SYNE2: variants seen among roughly 807,000 people sequenced by gnomAD.
The protein encoded by SYNE2 is nesprin-2.
A neutral mutation model predicts 856.3 loss-of-function variants in SYNE2; 431 were observed. That is an observed-to-expected ratio of 0.50 (90% confidence interval 0.47 to 0.55). The LOEUF (loss-of-function observed/expected upper bound fraction) is 0.55. SYNE2 is among the 20% of genes least tolerant of loss of function. SYNE2 has a pLI of 0.00. For synonymous variants in SYNE2, 2,923 were observed against 2,872.3 expected, an observed-to-expected ratio of 1.02 and a Z score of -0.56; for missense variants, 8,129 against 8,023.2, an observed-to-expected ratio of 1.01 and a Z score of -0.50.
intron 1 of SYNE2, among the ~76,000 whole-genome samples, chr14:63,812,410 G>A (rs1314806286): frequency 1.3e-5 from 2 of 152,060 alleles, no homozygotes; most frequent in African/African-American, 4.8e-5. Flanking sequence ...TTTTCAAGAT[G>A]CACTGATTTC....
intron 1 of SYNE2, among the ~76,000 whole-genome samples, chr14:63,791,442 CTTG>C (rs753753773): frequency 1.3e-5 from 2 of 152,122 alleles, no homozygotes; most frequent in Admixed American, 6.6e-5. Flanking sequence ...TGATCTGGTG[CTTG>C]TTGTCTCTTC....
At chr14:63,962,714 G>C (rs1264987392) in intron 9 of SYNE2, among the ~76,000 whole-genome samples, 3 of 151,954 alleles carry the variant, frequency 2.0e-5, no homozygotes, top group Admixed American at 6.6e-5. Flanking sequence ...CTAATTTTTT[G>C]TATTTTTAGT....
intron 66 of SYNE2, among the ~76,000 whole-genome samples, chr14:64,114,040 A>G (rs536939101): frequency 6.6e-6 from 1 of 152,362 alleles, no homozygotes; most frequent in South Asian, 2.1e-4. Context: ...ATTTTATTCA[A>G]TTTTAGTAAG....
At chr14:63,876,771 C>G (rs1236494499) in intron 1 of SYNE2, among the ~76,000 whole-genome samples, 1 of 152,174 alleles carries the variant, frequency 6.6e-6, no homozygotes, top group Non-Finnish European at 1.5e-5. Context: ...CAGGCATGAG[C>G]CACTGCGCCT....
chr14:64,168,929 C>T lies in SYNE2; in HGVS notation c.16958C>T (p.Thr5653Ile). 1.2e-6 allele frequency: 2 copies of T among 1,614,072 alleles called. No homozygotes were observed. Among genetic ancestry groups the T allele is most frequent in the Non-Finnish European group, 1.7e-6 (2 of 1,179,970 alleles). ...INQTIADSYV[T>I]QSLQLLDTTE... Reference sequence around the variant, plus strand: ...CAGACAATTGCTGATTCCTATGTCACCCAGTCCTTACAACTCCTGGACACA... The same window carrying T: ...CAGACAATTGCTGATTCCTATGTCATCCAGTCCTTACAACTCCTGGACACA... Residue 5653 changes from threonine (T) to isoleucine (I), a missense_variant, in exon 93 of 116, where the codon ACC becomes ATC. Transcript: ENST00000555002.
chr14:63,767,763 G>A (rs949982991), intron 1 of SYNE2, among the ~76,000 whole-genome samples: 4 of 152,040 alleles, frequency 2.6e-5, no homozygotes, highest in African/African-American at 4.8e-5. Flanking sequence ...TTTTTGTATT[G>A]AATCAGCTTC....
chr14:64,158,559 A>G, intron 85 of SYNE2, 66 bp from the exon 86 acceptor site: 2 of 1,537,866 alleles, frequency 1.3e-6, no homozygotes, highest in Non-Finnish European at 9.0e-7. Flanking sequence ...ACACAATGGT[A>G]GATCTGTTGG....
chr14:64,035,515 A>ATTTTTTT (rs35030710), intron 45 of SYNE2, among the ~76,000 whole-genome samples: 3 of 121,712 alleles, frequency 2.5e-5, no homozygotes, highest in African/African-American at 6.2e-5. Flanking sequence ...TACATGGTAC[A>ATTTTTTT]TTTTTTTTTT....
At chr14:63,820,651 A>T (rs527775972) in intron 1 of SYNE2, among the ~76,000 whole-genome samples, 3 of 152,320 alleles carry the variant, frequency 2.0e-5, no homozygotes, top group African/African-American at 7.2e-5. Context: ...TATCTGATAA[A>T]GCACTTATAT....
At chr14:64,150,002 C>CTT (rs2098225136) in intron 84 of SYNE2, among the ~76,000 whole-genome samples, 1 of 120,356 alleles carries the variant, frequency 8.3e-6, no homozygotes, top group Non-Finnish European at 1.7e-5. Flanking sequence ...TTTTTTTTTT[C>CTT]TTTTCTTTTT....
intron 83 of SYNE2, among the ~76,000 whole-genome samples, chr14:64,145,296 G>A (rs1474484412): frequency 6.6e-6 from 1 of 151,868 alleles, no homozygotes; most frequent in Non-Finnish European, 1.5e-5. Flanking sequence ...CCAGCACTTT[G>A]GGAGGCCGAG....
intron 108 of SYNE2, 99 bp downstream of exon 108, chr14:64,216,486 C>T: frequency 7.5e-7 from 1 of 1,328,794 alleles, no homozygotes; most frequent in Non-Finnish European, 1.1e-6. Context: ...GTATTCATTC[C>T]CCAGGCATAT....
chr14:64,178,981 G>A (rs1460804546), intron 96 of SYNE2, among the ~76,000 whole-genome samples: 1 of 152,076 alleles, frequency 6.6e-6, no homozygotes, highest in Non-Finnish European at 1.5e-5. Flanking sequence ...GGAGGCTGAG[G>A]TGGGAGGATC....
chr14:63,994,029 G>T lies in SYNE2; in HGVS notation c.2781+60G>T, dbSNP rs1594740208. The T allele has an allele frequency of 5.7e-6, 9 of 1,566,774 alleles. No homozygotes were observed. The East Asian group carries it at 2.0e-4, about 35-fold the overall frequency. The stretch of plus-strand genomic sequence containing the variant: ...TTATATGTCTGATCCTGGGCTGTTG[G>T]TTGTCAGAGCCATTCCTGGGGTTTT... On this transcript the variant is annotated intron_variant, in intron 22 of 115. Coordinates refer to ENST00000555002, the MANE Select transcript of SYNE2 (RefSeq NM_182914.3).
At chr14:63,848,999 C>A (rs1890317931), upstream of SYNE2, among the ~76,000 whole-genome samples, 1 of 152,142 alleles carries the variant, frequency 6.6e-6, no homozygotes, top group South Asian at 2.1e-4. Flanking sequence ...CAGAAAGAAC[C>A]ATTAGTCAAG....
intron 35 of SYNE2, 28 bp from the exon 36 acceptor site, chr14:64,021,287 T>C (rs765044413): frequency 1.5e-5 from 24 of 1,570,188 alleles, no homozygotes; most frequent in Middle Eastern, 3.3e-4. Context: ...ATGACTGTTA[T>C]ACAACTTCAT....
intron 1 of SYNE2, among the ~76,000 whole-genome samples, chr14:63,846,258 G>C (rs1890225148): frequency 6.6e-6 from 1 of 151,890 alleles, no homozygotes; most frequent in Non-Finnish European, 1.5e-5. Context: ...ATGTTGCCCA[G>C]GTTGGTCTCA....
intron 1 of SYNE2, among the ~76,000 whole-genome samples, chr14:63,908,584 A>G (rs2095436317): frequency 6.6e-6 from 1 of 152,230 alleles, no homozygotes; most frequent in Non-Finnish European, 1.5e-5. Context: ...TCATTAAAAT[A>G]TTCTTTTTGA....
At chr14:64,215,227 T>G in intron 106 of SYNE2, 59 bp from the exon 107 acceptor site, 1 of 1,409,518 alleles carries the variant, frequency 7.1e-7, no homozygotes, top group South Asian at 1.2e-5. Flanking sequence ...TGTGTGTTAA[T>G]ACTTGGGCAT....
Sources: allele counts gnomAD v4.1 joint callset (sites outside exome capture counted in the v4.1 genomes callset), GRCh38; gene constraint gnomAD v4.1.1; transcripts MANE v1.5; gene names NCBI Gene and HGNC (gene_info 2026-07-23, HGNC 2026-07-21).